Variants in RCAN2 observed in about 807,000 individuals in gnomAD.
The protein encoded by RCAN2 is regulator of calcineurin 2, also known as calcipressin-2.
RCAN2 carries 9 observed loss-of-function variants against 23.6 expected under a neutral mutation model. The ratio of observed to expected loss-of-function variants is 0.38; its 90% CI spans 0.23 to 0.67. The LOEUF is 0.67. Ranked by LOEUF, RCAN2 falls within the 30% of genes least tolerant of loss-of-function variation. The pLI is 0.51. For synonymous variants in RCAN2, 109 were observed against 115.7 expected, an observed-to-expected ratio of 0.94 and a Z score of 0.37; for missense variants, 273 against 302.3, an observed-to-expected ratio of 0.90 and a Z score of 0.72.
intron 2 of RCAN2, among the ~76,000 whole-genome samples, chr6:46,373,890 G>GAATAAATCTATCCCCTAATGTTCTT (rs1479231867): frequency 2.6e-5 from 4 of 152,092 alleles, no homozygotes; most frequent in Non-Finnish European, 4.4e-5. Context: ...ATGTTTTAGG[G>GAATAAATCTATCCCCTAATGTTCTT]GAAGTCTTGA....
chr6:46,418,224 A>T (rs1000377607), intron 2 of RCAN2, among the ~76,000 whole-genome samples: 1 of 152,230 alleles, frequency 6.6e-6, no homozygotes, highest in African/African-American at 2.4e-5. Context: ...TTTTTAAAGC[A>T]AACACTTTAA....
intron 2 of RCAN2, among the ~76,000 whole-genome samples, chr6:46,316,159 G>T (rs372767557): frequency 6.6e-6 from 1 of 152,148 alleles, no homozygotes; most frequent in South Asian, 2.1e-4. Context: ...AAGTAAGGTA[G>T]ACTTCCCTGG....
chr6:46,349,931 C>T (rs2150377593), intron 2 of RCAN2, among the ~76,000 whole-genome samples: 1 of 152,276 alleles, frequency 6.6e-6, no homozygotes, highest in South Asian at 2.1e-4. Context: ...ATTACACTGA[C>T]AATAAGATTC....
intron 2 of RCAN2, among the ~76,000 whole-genome samples, chr6:46,429,290 T>C (rs1426152872): frequency 6.6e-6 from 1 of 152,208 alleles, no homozygotes; most frequent in African/African-American, 2.4e-5. Flanking sequence ...CTTGCCACTT[T>C]AGAGGCAGCT....
chr6:46,279,634 T>C (rs759228295), intron 2 of RCAN2, among the ~76,000 whole-genome samples: 1 of 152,200 alleles, frequency 6.6e-6, no homozygotes, highest in Non-Finnish European at 1.5e-5. Context: ...CCCATCTCCA[T>C]TTGTCAGTTG....
intron 2 of RCAN2, among the ~76,000 whole-genome samples, chr6:46,321,311 T>C (rs888586504): frequency 1.3e-5 from 2 of 152,230 alleles, no homozygotes; most frequent in Non-Finnish European, 2.9e-5. Flanking sequence ...TGTCTGCATC[T>C]CATGTTAGAA....
In RCAN2 at chr6:46,221,703, G is replaced by A; in HGVS notation, c.*1438C>T. 1.0e-5 allele frequency: 4 copies of A among 382,778 alleles called. No homozygotes were observed. Among genetic ancestry groups the A allele is most frequent in the Non-Finnish European group, 1.9e-5 (4 of 216,098 alleles). The allele number at this position is 382,778 out of a possible 1,614,324, so 23.7% of individuals were successfully genotyped here. A position where few individuals can be genotyped will look rare whatever the true frequency, so the allele number is the denominator to read the frequency against. On this transcript the variant is annotated 3_prime_UTR_variant, in exon 5 of 5. Transcript: ENST00000371374. The stretch of plus-strand genomic sequence containing the variant: ...ACAACAATCCCTCAATCTGTTTGCT[G>A]TGTTATTGTTCTTGTGTGTTTTTCT...
chr6:46,363,467 A>T (rs116632001), intron 2 of RCAN2, among the ~76,000 whole-genome samples: 3,518 of 152,272 alleles, frequency 0.023, 120 homozygotes, highest in African/African-American at 0.076. Flanking sequence ...GAAAAGCTAA[A>T]CCAGGCTCAC....
At chr6:46,288,580 C>G (rs141794018) in intron 2 of RCAN2, among the ~76,000 whole-genome samples, 1 of 152,322 alleles carries the variant, frequency 6.6e-6, no homozygotes, top group East Asian at 1.9e-4. Flanking sequence ...TAAACATATT[C>G]AAAAAGTTAT....
chr6:46,489,195 A>G (rs1007074780), intron 1 of RCAN2, among the ~76,000 whole-genome samples: 1 of 152,082 alleles, frequency 6.6e-6, no homozygotes, highest in Non-Finnish European at 1.5e-5. Flanking sequence ...CCTACCACCT[A>G]TTGGGATCCA....
chr6:46,491,016 A>ACCCCCGCCC (rs1769126997), intron 1 of RCAN2, among the ~76,000 whole-genome samples, 157 bp downstream of exon 1: 3 of 130,048 alleles, frequency 2.3e-5, no homozygotes, highest in Non-Finnish European at 4.8e-5. Flanking sequence ...CACCCCCGCC[A>ACCCCCGCCC]CCGCCCCCGC....
chr6:46,392,112 T>C (rs2150398832), intron 2 of RCAN2, among the ~76,000 whole-genome samples: 1 of 152,290 alleles, frequency 6.6e-6, no homozygotes, highest in South Asian at 2.1e-4. Context: ...TCTCCTTTAG[T>C]AGGAGTTTAA....
chr6:46,397,631 A>G (rs1239358709), intron 2 of RCAN2, among the ~76,000 whole-genome samples: 1 of 152,154 alleles, frequency 6.6e-6, no homozygotes, highest in Admixed American at 6.6e-5. Context: ...AATGTTATGC[A>G]TTGATTTAGT....
At chr6:46,307,113 T>C (rs1763096918) in intron 2 of RCAN2, among the ~76,000 whole-genome samples, 1 of 152,114 alleles carries the variant, frequency 6.6e-6, no homozygotes, top group African/African-American at 2.4e-5. Context: ...TCCAAATCCC[T>C]ATCTATGGAA....
At chr6:46,390,862 A>G (rs934586414) in intron 2 of RCAN2, among the ~76,000 whole-genome samples, 1 of 152,176 alleles carries the variant, frequency 6.6e-6, no homozygotes, top group African/African-American at 2.4e-5. Flanking sequence ...ATACAATAAT[A>G]ACTCTATTGT....
At chr6:46,418,004 T>C (rs1766761436) in intron 2 of RCAN2, among the ~76,000 whole-genome samples, 1 of 152,226 alleles carries the variant, frequency 6.6e-6, no homozygotes, top group African/African-American at 2.4e-5. Context: ...TCCAGCTGTC[T>C]GGTGCAAATG....
intron 2 of RCAN2, among the ~76,000 whole-genome samples, chr6:46,280,212 G>A (rs909982626): frequency 3.9e-5 from 6 of 152,098 alleles, no homozygotes; most frequent in African/African-American, 1.2e-4. Context: ...GTAAAAGTGA[G>A]GTGATTAATC....
intron 3 of RCAN2, 89 bp downstream of exon 3, chr6:46,248,634 C>G: frequency 9.2e-7 from 1 of 1,083,418 alleles, no homozygotes; most frequent in East Asian, 2.6e-5. Context: ...ACCAACCAAT[C>G]TGAAAATAGA....
At chr6:46,449,090 A>G (rs1767799820) in intron 2 of RCAN2, among the ~76,000 whole-genome samples, 1 of 151,894 alleles carries the variant, frequency 6.6e-6, no homozygotes, top group South Asian at 2.1e-4. Flanking sequence ...TCAACACTCC[A>G]TCAAACAACT....
Sources: allele counts gnomAD v4.1 joint callset (sites outside exome capture counted in the v4.1 genomes callset), GRCh38; gene constraint gnomAD v4.1.1; transcripts MANE v1.5; gene names NCBI Gene and HGNC (gene_info 2026-07-23, HGNC 2026-07-21).